TRIM38: variants seen among roughly 807,000 people sequenced by gnomAD.
The protein encoded by TRIM38 is E3 ubiquitin-protein ligase TRIM38.
TRIM38 carries 35 observed loss-of-function variants against 35.8 expected under a neutral mutation model. The ratio of observed to expected loss-of-function variants is 0.98; its 90% CI spans 0.75 to 1.30. The LOEUF (loss-of-function observed/expected upper bound fraction) is 1.30, where lower values mean the gene tolerates loss of function less well. Among genes scored for constraint, TRIM38 ranks in the 50% most tolerant of loss-of-function variants. TRIM38 has a pLI of 0.00. For synonymous variants in TRIM38, 198 were observed against 204.7 expected (o/e 0.97, Z 0.28); for missense variants, 545 against 556.9 (o/e 0.98, Z 0.21).
rs533349586 is a variant in TRIM38 at position 25,981,378 on chromosome 6, A to G, written c.875-1786A>G. Among the ~76,000 whole-genome samples the G allele has an allele frequency of 3.3e-5, 5 of 152,380 alleles. No individual in the cohort carries two copies. In the South Asian group the frequency reaches 1.0e-3, roughly 32 times the overall value. On this transcript the variant is annotated intron_variant, in intron 7 of 7. Coordinates refer to ENST00000357085, the MANE Select transcript of TRIM38 (RefSeq NM_006355.5). ...AAAGTGAGGGATTATTTGGAAGAACAAACAGAGAGCATCCAGCACAGGAAG... is the reference window on the plus strand; with the variant it reads ...AAAGTGAGGGATTATTTGGAAGAACGAACAGAGAGCATCCAGCACAGGAAG...
Position 25,984,084 on chromosome 6 carries a change from A to G in TRIM38, c.*397A>G, listed in dbSNP as rs184200567. 164 of 160,268 alleles carry G rather than the reference A, an allele frequency of 1.0e-3. No homozygotes were observed. Among genetic ancestry groups the G allele is most frequent in the Admixed American group, 3.4e-3 (55 of 16,028 alleles). The allele number at this position is 160,268 out of a possible 1,614,324, so 9.9% of individuals were successfully genotyped here. On this transcript the variant is annotated 3_prime_UTR_variant, in exon 8 of 8. Transcript: ENST00000357085. ...GAAAGAAAGCTGCAATTATCCGCCA[A>G]CTGCATTTAAAACAAAACAAAACAG...
intron 2 of TRIM38, among the ~76,000 whole-genome samples, chr6:25,963,914 A>AAACAACAACAACAACAACAAC (rs55782472): frequency 6.6e-6 from 1 of 150,962 alleles, no homozygotes; most frequent in South Asian, 2.1e-4. Flanking sequence ...CTGAAAGCAA[A>AAACAACAACAACAACAACAAC]AACAACAACA....
intron 2 of TRIM38, among the ~76,000 whole-genome samples, chr6:25,964,815 C>CTT (rs35178475): frequency 0.17 from 24,638 of 145,514 alleles, 2,575 homozygotes; most frequent in Non-Finnish European, 0.24. Flanking sequence ...ACCAATTATT[C>CTT]TTTTTTTTTT....
In TRIM38 at chr6:25,974,304, C is replaced by T. The variant is rs9461228; in HGVS notation, c.874+1019C>T. ...GCTGTTGGCTGGAGGTTGCCCACAG[C>T]TTCTACAGGCCACCCCTCAGCTCTT... On this transcript the variant is annotated intron_variant, in intron 7 of 7. Coordinates refer to ENST00000357085, the MANE Select transcript of TRIM38 (RefSeq NM_006355.5). Among the ~76,000 whole-genome samples, 615 of 152,318 alleles carry T rather than the reference C, an allele frequency of 4.0e-3. 7 individuals carry two copies. The highest frequency in any genetic ancestry group is 0.012 in the African/African-American group (483 of 41,570).
At chr6:25,972,979 A>C (rs1287576070) in intron 5 of TRIM38, 75 bp from the exon 6 acceptor site, 1 of 1,593,738 alleles carries the variant, frequency 6.3e-7, no homozygotes, top group Non-Finnish European at 8.6e-7. Flanking sequence ...AAAGCAAAGA[A>C]GAATAGCCCT....
At chr6:25,979,701 T>C (rs972403772) in intron 7 of TRIM38, among the ~76,000 whole-genome samples, 2 of 151,812 alleles carry the variant, frequency 1.3e-5, no homozygotes, top group African/African-American at 4.8e-5. Context: ...TTCACTGTTA[T>C]ATTGTTTAAT....
intron 2 of TRIM38, among the ~76,000 whole-genome samples, chr6:25,964,081 A>ACTTC (rs1759942029): frequency 6.6e-6 from 1 of 152,122 alleles, no homozygotes; most frequent in Non-Finnish European, 1.5e-5. Flanking sequence ...AGTTCACTGA[A>ACTTC]AAATCGACTC....
intron 2 of TRIM38, among the ~76,000 whole-genome samples, chr6:25,964,814 T>TC (rs1759967149): frequency 1.4e-5 from 1 of 73,186 alleles, no homozygotes; most frequent in Non-Finnish European, 2.4e-5. Context: ...TACCAATTAT[T>TC]CTTTTTTTTT....
chr6:25,970,163 A>G (rs980067737), intron 4 of TRIM38, among the ~76,000 whole-genome samples: 15 of 152,036 alleles, frequency 9.9e-5, no homozygotes, highest in South Asian at 2.1e-4. Context: ...TGATTCACCC[A>G]CCTCAGCCTC....
Position 25,966,422 on chromosome 6 carries a change from C to A in TRIM38, c.-101C>A. 1.6e-6 allele frequency: 2 copies of A among 1,264,198 alleles called. No homozygotes were observed. The highest frequency in any genetic ancestry group is 2.1e-6 in the Non-Finnish European group (2 of 939,354). The allele number at this position is 1,264,198 out of a possible 1,614,324, so 78.3% of individuals were successfully genotyped here. A position where few individuals can be genotyped will look rare whatever the true frequency, so the allele number is the denominator to read the frequency against. On this transcript the variant is annotated 5_prime_UTR_variant, in exon 3 of 8. Transcript: ENST00000357085. ...TGGAAGTCAGTTGCAGCCAGCTCAT[C>A]ACATAGAGGTGCAGGTGAGGTGTAT...
At chr6:25,969,033 G>T (rs1408312430) in intron 3 of TRIM38, among the ~76,000 whole-genome samples, 2 of 152,194 alleles carry the variant, frequency 1.3e-5, no homozygotes, top group African/African-American at 4.8e-5. Flanking sequence ...TGCAATTGTT[G>T]CTCCACCACC....
chr6:25,966,254 A>T (rs563816404), intron 2 of TRIM38, 81 bp from the exon 3 acceptor site: 2 of 384,364 alleles, frequency 5.2e-6, no homozygotes, highest in African/African-American at 4.1e-5. Flanking sequence ...CTTGCTAATG[A>T]GGGCAACTTG....
intron 7 of TRIM38, among the ~76,000 whole-genome samples, chr6:25,975,988 TG>T (rs1453418516): frequency 6.6e-6 from 1 of 152,206 alleles, no homozygotes; most frequent in African/African-American, 2.4e-5. Context: ...GACTCAAAGT[TG>T]TAACATACAC....
Position 25,988,496 on chromosome 6 carries a change from C to CTTTTTTTCTTTTTTTTTTT in TRIM38, c.*4816_*4817insCTTTTTTTTTTTTTTTTTT, listed in dbSNP as rs1554143886. 3.2e-5 allele frequency: 2 copies of CTTTTTTTCTTTTTTTTTTT among 63,054 alleles called. No individual in the cohort carries two copies. Among genetic ancestry groups the CTTTTTTTCTTTTTTTTTTT allele is most frequent in the African/African-American group, 1.4e-4 (2 of 14,186 alleles). The allele number at this position is 63,054 out of a possible 1,614,324, so 3.9% of individuals were successfully genotyped here. The stretch of plus-strand genomic sequence containing the variant: ...TTTCTTTTTCTTTTTTCTTTTCTTT[C>CTTTTTTTCTTTTTTTTTTT]TTTTTTTTTTTTTTTTTGAGACAGA... On this transcript the variant is annotated 3_prime_UTR_variant, in exon 8 of 8. Coordinates refer to ENST00000357085, the MANE Select transcript of TRIM38 (RefSeq NM_006355.5).
In TRIM38 at chr6:25,972,065, A is replaced by G. The variant is rs762533292; in HGVS notation, c.704A>G (p.Glu235Gly). The G allele has an allele frequency of 5.0e-6, 8 of 1,614,178 alleles. No individual in the cohort carries two copies. The highest frequency in any genetic ancestry group is 6.8e-6 in the Non-Finnish European group (8 of 1,180,002). Residue 235 changes from glutamate (E) to glycine (G), a missense_variant, in exon 5 of 8, where the codon GAA becomes GGA. Coordinates refer to ENST00000357085, the MANE Select transcript of TRIM38 (RefSeq NM_006355.5). Reference protein sequence around the residue: ...ELKSHILELEEKCQGSAQKLL... With the variant: ...ELKSHILELEGKCQGSAQKLL... ...AAGAGCCACATCCTGGAACTGGAGG[A>G]AAAATGTCAGGGCTCAGCCCAGAAA...
At chr6:25,978,919 C>T (rs1760472341) in intron 7 of TRIM38, among the ~76,000 whole-genome samples, 1 of 152,170 alleles carries the variant, frequency 6.6e-6, no homozygotes, top group Non-Finnish European at 1.5e-5. Flanking sequence ...TGACCCGCCT[C>T]AGCCTCCCAA....
In TRIM38 at chr6:25,973,406, G is replaced by A; in HGVS notation, c.874+121G>A. On this transcript the variant is annotated intron_variant, in intron 7 of 7. Coordinates refer to ENST00000357085, the MANE Select transcript of TRIM38 (RefSeq NM_006355.5). ...AGAGGTTGTTTAGTTAATTTCAGTA[G>A]AGCTTTCATACTTTCTCTAGTTAGT... is the stretch of plus-strand genomic sequence containing the variant. The A allele has an allele frequency of 4.8e-6, 7 of 1,466,134 alleles. 1 individual carries two copies. In the South Asian group the frequency reaches 9.8e-5, roughly 20 times the overall value. 90.8% of individuals were successfully genotyped at this position (1,466,134 alleles called of 1,614,324 possible).
intron 7 of TRIM38, chr6:25,975,660 C>T (rs1760370031): frequency 1.0e-6 from 1 of 976,782 alleles, no homozygotes; most frequent in Non-Finnish European, 1.2e-6. Context: ...CACCCGTCTC[C>T]AATCTGACTT....
At chr6:25,975,710 C>G (rs1477987357) in intron 7 of TRIM38, 1 of 972,180 alleles carries the variant, frequency 1.0e-6, no homozygotes, top group Non-Finnish European at 1.2e-6. Context: ...TAAGTTTGTA[C>G]AAACGTAACA....
Sources: gnomAD v4.1 joint callset for allele counts (sites outside exome capture counted in the v4.1 genomes callset) on GRCh38, gnomAD v4.1.1 for gene constraint, MANE v1.5 for transcripts, NCBI Gene and HGNC (gene_info 2026-07-23, HGNC 2026-07-21) for gene names.